The following MAPKAP1 variants were observed in gnomAD, a reference collection of about 807,000 sequenced individuals.
MAPKAP1 encodes the protein target of rapamycin complex 2 subunit MAPKAP1.
MAPKAP1 carries 20 observed loss-of-function variants against 65.7 expected under a neutral mutation model. The ratio of observed to expected loss-of-function variants is 0.30; its 90% CI spans 0.21 to 0.44. The LOEUF is 0.44. Ranked by LOEUF, MAPKAP1 falls within the 20% of genes least tolerant of loss-of-function variation. MAPKAP1 has a pLI of 1.00. For synonymous variants in MAPKAP1, 222 were observed against 244.3 expected, an observed-to-expected ratio of 0.91 and a Z score of 0.85; for missense variants, 423 against 648.0, an observed-to-expected ratio of 0.65 and a Z score of 3.77.
At chr9:125,569,864 C>T (rs1050697492) in intron 5 of MAPKAP1, among the ~76,000 whole-genome samples, 2 of 152,188 alleles carry the variant, frequency 1.3e-5, no homozygotes, top group Admixed American at 1.3e-4. Flanking sequence ...CAAAATTAAG[C>T]ACTTAAATAT....
intron 7 of MAPKAP1, among the ~76,000 whole-genome samples, chr9:125,542,315 C>G (rs936015115): frequency 6.6e-6 from 1 of 152,154 alleles, no homozygotes; most frequent in Non-Finnish European, 1.5e-5. Flanking sequence ...CCCAGCAATG[C>G]TTTTTTTCCT....
At chr9:125,477,521 T>A (rs1254996790) in intron 9 of MAPKAP1, among the ~76,000 whole-genome samples, 1 of 152,170 alleles carries the variant, frequency 6.6e-6, no homozygotes, top group Non-Finnish European at 1.5e-5. Flanking sequence ...ACTGGGTGAC[T>A]CTGATATATG....
chr9:125,620,585 T>C (rs1832868395), intron 4 of MAPKAP1, among the ~76,000 whole-genome samples: 1 of 152,188 alleles, frequency 6.6e-6, no homozygotes, highest in Non-Finnish European at 1.5e-5. Flanking sequence ...TTTGTAATAG[T>C]AAAAGATTAG....
At chr9:125,598,798 G>C (rs930326644) in intron 4 of MAPKAP1, among the ~76,000 whole-genome samples, 3 of 152,070 alleles carry the variant, frequency 2.0e-5, no homozygotes, top group African/African-American at 7.2e-5. Flanking sequence ...CCAGTACTTT[G>C]GGAGGCTGAG....
intron 10 of MAPKAP1, among the ~76,000 whole-genome samples, chr9:125,466,357 G>GACTT (rs1444563279): frequency 6.6e-6 from 1 of 152,142 alleles, no homozygotes; most frequent in Non-Finnish European, 1.5e-5. Context: ...AGGGGACAGG[G>GACTT]ACTTAGGCAG....
At position 125,672,505 on chromosome 9, in the gene MAPKAP1, T is replaced by C; in HGVS notation, c.70A>G (p.Thr24Ala). The C allele has an allele frequency of 1.9e-6, 3 of 1,614,196 alleles. No individual in the cohort carries two copies. The highest frequency in any genetic ancestry group is 2.5e-6 in the Non-Finnish European group (3 of 1,180,010). ...ATGAGAACCATCTCACACATTCCCG[T>C]GTCATCACTGGTCACATGTGACTGT... ...IRQSHVTSDDTGMCEMVLIDH... is the reference protein window; with the variant it reads ...IRQSHVTSDDAGMCEMVLIDH... Residue 24 changes from threonine to alanine, a missense_variant, in exon 2 of 12, where the codon ACG (threonine) becomes GCG (alanine). Transcript: ENST00000265960.
intron 4 of MAPKAP1, among the ~76,000 whole-genome samples, chr9:125,593,307 A>T (rs1195237000): frequency 6.6e-6 from 1 of 151,676 alleles, no homozygotes; most frequent in Non-Finnish European, 1.5e-5. Flanking sequence ...GTCTCAAAAA[A>T]AGAAAAAAAT....
chr9:125,657,845 C>T, intron 3 of MAPKAP1, 46 bp from the exon 4 acceptor site: 1 of 1,574,242 alleles, frequency 6.4e-7, no homozygotes, highest in Non-Finnish European at 8.7e-7. Context: ...TACACAGAGA[C>T]AACTTGTCCA....
chr9:125,546,857 G>C (rs1330735005), intron 6 of MAPKAP1, among the ~76,000 whole-genome samples: 2 of 152,070 alleles, frequency 1.3e-5, no homozygotes, highest in East Asian at 1.9e-4. Flanking sequence ...CAAAGTCTCG[G>C]CTCAGAAACC....
chr9:125,686,830 G>GTTT (rs199569908), intron 1 of MAPKAP1, among the ~76,000 whole-genome samples: 1 of 145,504 alleles, frequency 6.9e-6, no homozygotes, highest in Admixed American at 6.9e-5. Flanking sequence ...TTTTGTTTTG[G>GTTT]TTTTTTTTTT....
chr9:125,448,168 G>C (rs960067726), intron 10 of MAPKAP1, among the ~76,000 whole-genome samples: 1 of 152,180 alleles, frequency 6.6e-6, no homozygotes, highest in Non-Finnish European at 1.5e-5. Flanking sequence ...GCAGTTTTGA[G>C]CTAGACAGGT....
chr9:125,540,198 C>A (rs546390295), intron 7 of MAPKAP1, among the ~76,000 whole-genome samples: 1 of 152,342 alleles, frequency 6.6e-6, no homozygotes, highest in African/African-American at 2.4e-5. Context: ...AAATACCTAC[C>A]ACCTTCTGAT....
At chr9:125,702,295 G>A (rs1235281672) in intron 1 of MAPKAP1, among the ~76,000 whole-genome samples, 1 of 152,130 alleles carries the variant, frequency 6.6e-6, no homozygotes, top group Non-Finnish European at 1.5e-5. Context: ...AGCACTTTGG[G>A]AGGCCAAGGC....
intron 4 of MAPKAP1, among the ~76,000 whole-genome samples, chr9:125,617,455 T>C (rs1832779386): frequency 6.6e-6 from 1 of 152,120 alleles, no homozygotes; most frequent in Admixed American, 6.5e-5. Flanking sequence ...AGACCCTATC[T>C]CAAAATAAAA....
intron 4 of MAPKAP1, among the ~76,000 whole-genome samples, chr9:125,592,806 G>A (rs1832005418): frequency 6.6e-6 from 1 of 151,890 alleles, no homozygotes; most frequent in Non-Finnish European, 1.5e-5. Context: ...AGGAGGCTGA[G>A]GCAGGAGAAT....
chr9:125,667,722 T>C (rs1242076302), intron 3 of MAPKAP1, among the ~76,000 whole-genome samples: 3 of 152,120 alleles, frequency 2.0e-5, no homozygotes, highest in African/African-American at 7.2e-5. Context: ...TCACTGTGCG[T>C]TTTATTTATA....
chr9:125,692,972 A>C (rs1048540146), intron 1 of MAPKAP1, among the ~76,000 whole-genome samples: 2 of 152,198 alleles, frequency 1.3e-5, no homozygotes, highest in Admixed American at 1.3e-4. Flanking sequence ...AAGGAGGTTA[A>C]TCCTAGTACC....
At chr9:125,700,278 G>C (rs541366525) in intron 1 of MAPKAP1, among the ~76,000 whole-genome samples, 1 of 152,222 alleles carries the variant, frequency 6.6e-6, no homozygotes, top group South Asian at 2.1e-4. Context: ...TGCTGAAATG[G>C]TACTTATTTA....
chr9:125,475,382 C>T (rs762497964), intron 9 of MAPKAP1, among the ~76,000 whole-genome samples: 6 of 152,214 alleles, frequency 3.9e-5, no homozygotes, highest in Non-Finnish European at 8.8e-5. Flanking sequence ...CCAGTAGAGC[C>T]TTACTTTCTT....
Sources: allele counts gnomAD v4.1 joint callset (sites outside exome capture counted in the v4.1 genomes callset), GRCh38; gene constraint gnomAD v4.1.1; transcripts MANE v1.5; gene names NCBI Gene and HGNC (gene_info 2026-07-23, HGNC 2026-07-21).